The following LCOR variants were observed in gnomAD, a reference collection of about 807,000 sequenced individuals.
LCOR encodes the protein ligand dependent nuclear receptor corepressor.
Under a neutral mutation model 64.4 loss-of-function variants are expected in LCOR, and 14 were observed. That is an observed-to-expected ratio of 0.22 (90% CI 0.14 to 0.34). The LOEUF is 0.34. LCOR is among the 10% of genes least tolerant of loss of function. The pLI is 1.00. For missense variants in LCOR, 1,686 were observed against 1,765.3 expected (o/e 0.96, Z 0.80); for synonymous variants, 643 against 642.5 (o/e 1.00, Z -0.01).
chr10:96,920,706 G>GTTCATATA (rs1847057037), intron 4 of LCOR, among the ~76,000 whole-genome samples: 1 of 134,132 alleles, frequency 7.5e-6, no homozygotes, highest in East Asian at 2.0e-4. Flanking sequence ...GTTCATATAT[G>GTTCATATA]TGTGTATATA....
At chr10:96,869,098 G>T (rs767117111) in intron 2 of LCOR, among the ~76,000 whole-genome samples, 2 of 152,138 alleles carry the variant, frequency 1.3e-5, no homozygotes, top group Non-Finnish European at 2.9e-5. Context: ...TAGATACGGG[G>T]TTTCACCATG....
intron 4 of LCOR, among the ~76,000 whole-genome samples, chr10:96,909,669 C>G (rs1846794729): frequency 6.6e-6 from 1 of 152,176 alleles, no homozygotes; most frequent in South Asian, 2.1e-4. Context: ...AACATAAGTG[C>G]TTTTTCATGT....
intron 2 of LCOR, among the ~76,000 whole-genome samples, chr10:96,858,029 A>C (rs1217573488): frequency 6.6e-6 from 1 of 152,216 alleles, no homozygotes; most frequent in African/African-American, 2.4e-5. Context: ...AGGAAAAATA[A>C]AAACTAAGAT....
Position 96,983,005 on chromosome 10 carries a change from A to C in LCOR, c.2545A>C (p.Lys849Gln). The change falls in exon 8 of 8, where the codon AAA becomes CAA. Residue 849 changes from lysine to glutamine, a missense_variant. Physicochemically the swap from Lys to Gln is moderately conservative, Grantham distance 53. Coordinates refer to ENST00000421806, the MANE Select transcript of LCOR (RefSeq NM_001346516.2). The surrounding 1 kb of genome is among the most constrained non-coding windows in gnomAD (Gnocchi z 4.5). Reference sequence around the variant, plus strand: ...AGCTTGTCTTGAAATCAAAGTTCCTAAAAATCCTAGTGCAAAACGTTCAAA... The same window carrying C: ...AGCTTGTCTTGAAATCAAAGTTCCTCAAAATCCTAGTGCAAAACGTTCAAA... ...SSACLEIKVP[K>Q]NPSAKRSKKE... is the part of the protein sequence containing the mutation. 2 of 1,613,678 alleles carry C rather than the reference A, an allele frequency of 1.2e-6. No individual in the cohort carries two copies. The highest frequency in any genetic ancestry group is 1.7e-6 in the Non-Finnish European group (2 of 1,179,868).
At chr10:96,891,763 C>T (rs548530714) in intron 2 of LCOR, among the ~76,000 whole-genome samples, 19 of 151,862 alleles carry the variant, frequency 1.3e-4, no homozygotes, top group South Asian at 4.2e-4. Context: ...AGGCTAGTTG[C>T]GAACGCCTGA....
intron 2 of LCOR, among the ~76,000 whole-genome samples, chr10:96,885,855 C>T (rs779839321): frequency 4.6e-5 from 7 of 151,710 alleles, no homozygotes; most frequent in African/African-American, 9.7e-5. Flanking sequence ...AAGGGTGCCC[C>T]GTTTTAATAT....
At chr10:96,957,040 C>T (rs1847795319) in intron 7 of LCOR, 4 of 985,268 alleles carry the variant, frequency 4.1e-6, no homozygotes, top group South Asian at 9.4e-5. Context: ...AGAAAAAAAC[C>T]CCAAGGTAAC....
chr10:96,958,105 A>G (rs923692651), intron 7 of LCOR: 2 of 1,121,644 alleles, frequency 1.8e-6, no homozygotes, highest in African/African-American at 3.2e-5. Flanking sequence ...CACACAATTA[A>G]TTGCAGCCAT....
intron 2 of LCOR, among the ~76,000 whole-genome samples, chr10:96,857,312 T>C (rs1845822815): frequency 1.3e-5 from 2 of 152,210 alleles, no homozygotes; most frequent in South Asian, 4.1e-4. Flanking sequence ...CCCTGTACTT[T>C]TTTATTACTT....
chr10:96,862,883 CTTT>C (rs1384673987), intron 2 of LCOR, among the ~76,000 whole-genome samples: 1 of 142,122 alleles, frequency 7.0e-6, no homozygotes, highest in Admixed American at 7.1e-5. Context: ...CTTTTCTTTT[CTTT>C]TTTTTTTTTT....
At position 96,986,258 on chromosome 10, in the gene LCOR, A is replaced by C. The variant is rs1848149131; in HGVS notation, c.*1124A>C. ...GTAATTAGCAAAGGACAGATGGTTTAAAAGTAGCCCAGTGTCTCTGTGAGC... is the reference window on the plus strand; with the variant it reads ...GTAATTAGCAAAGGACAGATGGTTTCAAAGTAGCCCAGTGTCTCTGTGAGC... On this transcript the variant is annotated 3_prime_UTR_variant, in exon 8 of 8. Transcript: ENST00000421806. 6.0e-6 allele frequency: 1 copy of C among 165,912 alleles called. No homozygotes were observed. Among genetic ancestry groups the C allele is most frequent in the African/African-American group, 2.4e-5 (1 of 41,432 alleles). The allele number at this position is 165,912 out of a possible 1,614,324, so 10.3% of individuals were successfully genotyped here.
At chr10:96,909,360 A>G (rs955498917) in intron 4 of LCOR, among the ~76,000 whole-genome samples, 4 of 152,138 alleles carry the variant, frequency 2.6e-5, no homozygotes, top group African/African-American at 9.7e-5. Context: ...CTATTTCTCT[A>G]TAGCTAGAAA....
intron 2 of LCOR, among the ~76,000 whole-genome samples, chr10:96,841,704 T>C (rs919688331): frequency 1.3e-5 from 2 of 151,982 alleles, no homozygotes; most frequent in Non-Finnish European, 2.9e-5. Flanking sequence ...ACACCAGTAT[T>C]ATTTCCCATG....
At chr10:96,978,524 T>C (rs1848056537) in intron 7 of LCOR, among the ~76,000 whole-genome samples, 1 of 152,214 alleles carries the variant, frequency 6.6e-6, no homozygotes, top group Non-Finnish European at 1.5e-5. Context: ...TCTATAATAA[T>C]ATTTTTTCCT....
chr10:96,979,137 T>C (rs1315299103), intron 7 of LCOR, among the ~76,000 whole-genome samples: 1 of 152,178 alleles, frequency 6.6e-6, no homozygotes, highest in Non-Finnish European at 1.5e-5. Flanking sequence ...TCAGCCTTCC[T>C]GTAAAAGTGC....
chr10:96,976,192 T>A (rs1848039069), intron 7 of LCOR, among the ~76,000 whole-genome samples: 1 of 152,198 alleles, frequency 6.6e-6, no homozygotes, highest in Admixed American at 6.5e-5. Flanking sequence ...AAATGATCTT[T>A]TTTGTTGATG....
At chr10:96,920,469 T>G (rs1243903647) in intron 4 of LCOR, among the ~76,000 whole-genome samples, 2 of 145,788 alleles carry the variant, frequency 1.4e-5, no homozygotes, top group Non-Finnish European at 3.0e-5. Flanking sequence ...TTCATATATG[T>G]GTATATATAT....
intron 4 of LCOR, among the ~76,000 whole-genome samples, chr10:96,932,585 T>A (rs546858374): frequency 5.3e-5 from 8 of 152,288 alleles, no homozygotes; most frequent in Non-Finnish European, 1.2e-4. Context: ...TGCCTCAGCC[T>A]CCCGAGTAGC....
rs146183286 is a variant in LCOR at position 96,877,169 on chromosome 10, A to T, written c.-329-30096A>T. Among the ~76,000 whole-genome samples the T allele has an allele frequency of 4.0e-3, 616 of 152,308 alleles. 2 individuals carry two copies. The highest frequency in any genetic ancestry group is 6.8e-3 in the Middle Eastern group (2 of 294). ...AAGATGGAAAATAAACTATCTTAAA[A>T]AAATGGCTACAATGGATTTAACTAT... is the stretch of plus-strand genomic sequence containing the variant. On this transcript the variant is annotated intron_variant, in intron 2 of 7. Transcript: ENST00000421806.
Sources: gnomAD v4.1 joint callset for allele counts (sites outside exome capture counted in the v4.1 genomes callset) on GRCh38, gnomAD v4.1.1 for gene constraint, Gnocchi (gnomAD v3.1) non-coding constraint, MANE v1.5 for transcripts, NCBI Gene and HGNC (gene_info 2026-07-23, HGNC 2026-07-21) for gene names.